The following TYK2 variants were observed in gnomAD, a reference collection of about 807,000 sequenced individuals.
TYK2 encodes the protein tyrosine kinase 2.
In TYK2, 65 loss-of-function variants were observed where a neutral mutation model predicts 130.9. The observed-to-expected ratio is 0.50, with a 90% CI of 0.41 to 0.61. The LOEUF (loss-of-function observed/expected upper bound fraction) is 0.61. Among genes scored for constraint, TYK2 ranks in the 20% least tolerant of loss-of-function variants. The pLI, the probability that TYK2 is intolerant of heterozygous loss-of-function variation, is 0.00. For missense variants in TYK2, 1,378 were observed against 1,610.7 expected (o/e 0.86, Z 2.47); for synonymous variants, 647 against 658.9 (o/e 0.98, Z 0.28).
chr19:10,362,432 G>A lies in TYK2; in HGVS notation c.1501C>T (p.Arg501Trp), dbSNP rs756944840. ...SQAPDGMQSL[R>W]LRKFPIEQQD... The stretch of plus-strand genomic sequence containing the variant: ...TGCTCAATGGGGAACTTTCGGAGCC[G>A]CAAGCTCTGCATGCCGTCTGGTGCC... Residue 501 changes from arginine (R) to tryptophan (W), a missense_variant, in exon 11 of 25, where the codon CGG (arginine) becomes TGG (tryptophan). Transcript: ENST00000525621. 2.4e-5 allele frequency: 38 copies of A among 1,605,570 alleles called. No homozygotes were observed. The highest frequency in any genetic ancestry group is 1.7e-4 in the Middle Eastern group (1 of 6,056).
At chr19:10,357,968 C>A (rs745863218) in intron 16 of TYK2, 35 bp downstream of exon 16, 4 of 1,613,422 alleles carry the variant, frequency 2.5e-6, no homozygotes, top group Non-Finnish European at 3.4e-6. Flanking sequence ...GCAGGGGAAG[C>A]CCCCCACTGT....
rs1394833743 is a variant in TYK2, at chr19:10,358,167, C to G, written c.2176-29G>C. 1.3e-5 allele frequency: 20 copies of G among 1,588,146 alleles called. No individual in the cohort carries two copies. The Admixed American group carries it at 2.7e-4, about 21-fold the overall frequency. Reference sequence around the variant, plus strand: ...AGGTGGGCAGGAGAGGGGGTGTGGCCACTCAGGAGAGGCACAGACGCCAAC... The same window carrying G: ...AGGTGGGCAGGAGAGGGGGTGTGGCGACTCAGGAGAGGCACAGACGCCAAC... On this transcript the variant is annotated intron_variant, in intron 15 of 24. Transcript: ENST00000525621.
chr19:10,352,622 C>T, intron 22 of TYK2, 71 bp from the exon 23 acceptor site: 1 of 831,866 alleles, frequency 1.2e-6, no homozygotes. Context: ...AGGCTGAAGC[C>T]CTCACCTGAG....
intron 3 of TYK2, among the ~76,000 whole-genome samples, chr19:10,375,790 G>C (rs1489643412): frequency 6.6e-6 from 1 of 151,122 alleles, no homozygotes; most frequent in Non-Finnish European, 1.5e-5. Flanking sequence ...AGCCGGGCAT[G>C]GTGGCACACA....
At chr19:10,372,147 T>C (rs375118046) in intron 3 of TYK2, among the ~76,000 whole-genome samples, 58 of 150,958 alleles carry the variant, frequency 3.8e-4, no homozygotes, top group East Asian at 5.9e-4. Context: ...CCCGCCACCA[T>C]GCCCAGCTAA....
intron 3 of TYK2, among the ~76,000 whole-genome samples, chr19:10,374,025 G>A (rs1442578565): frequency 6.6e-6 from 1 of 152,128 alleles, no homozygotes; most frequent in Non-Finnish European, 1.5e-5. Context: ...CCAGCACTTT[G>A]GGAGGCTGAG....
intron 3 of TYK2, 37 bp from the exon 4 acceptor site, chr19:10,368,455 A>C: frequency 6.2e-7 from 1 of 1,613,586 alleles, no homozygotes; most frequent in Non-Finnish European, 8.5e-7. Context: ...GAGTCACGTC[A>C]TTTGCTACCG....
intron 9 of TYK2, among the ~76,000 whole-genome samples, chr19:10,363,857 G>C (rs1047558562): frequency 6.6e-6 from 1 of 152,194 alleles, no homozygotes; most frequent in Admixed American, 6.6e-5. Flanking sequence ...ACGGCCACAG[G>C]CCTCACAAGG....
In TYK2 at chr19:10,350,819, G is replaced by A. The variant is rs762860883; in HGVS notation, c.*15C>T. On this transcript the variant is annotated 3_prime_UTR_variant, in exon 25 of 25. Transcript: ENST00000525621. ...TGCCTGGTCCAGTCCTCCCAGGCAG[G>A]GCTGCCATTGTGCCTCAGCACACGC... The A allele has an allele frequency of 1.2e-6, 2 of 1,612,440 alleles. No individual in the cohort carries two copies. Among genetic ancestry groups the A allele is most frequent in the Admixed American group, 3.3e-5 (2 of 59,994 alleles).
Position 10,365,640 on chromosome 19 carries a change from A to G in TYK2, c.888T>C (p.Ser296=), listed in dbSNP as rs1383359908. 6.2e-7 allele frequency: 1 copy of G among 1,613,684 alleles called. No homozygotes were observed. ...GGCCAGGGTCTGTAGGGGCCACCCC[A>G]CTGTCCCGGATGTAGCAGGGCTCCC... ...AEGEPCYIRD[S]GVAPTDPGPE... is the part of the protein sequence containing the mutation. The change falls in exon 7 of 25, where the codon AGT becomes AGC. Residue 296 remains serine (S), a synonymous_variant. Transcript: ENST00000525621.
At chr19:10,363,362 T>C (rs1462055999) in intron 9 of TYK2, among the ~76,000 whole-genome samples, 1 of 152,052 alleles carries the variant, frequency 6.6e-6, no homozygotes, top group African/African-American at 2.4e-5. Flanking sequence ...GTGTTTTCTG[T>C]AGTTAAAAGA....
chr19:10,368,530 A>G (rs768159487), intron 3 of TYK2, 112 bp from the exon 4 acceptor site: 19 of 1,506,432 alleles, frequency 1.3e-5, no homozygotes, highest in Non-Finnish European at 1.6e-5. Context: ...CCCCTCCCCC[A>G]CCTGCAGCTT....
Position 10,364,920 on chromosome 19 carries a change from G to C in TYK2, c.1140C>G (p.Phe380Leu). ...TCAGCACCACGTGGGTGATGTCCCG[G>C]AAGTCACAGAAGTAGGCCCACAGTG... Reference protein sequence around the residue: ...REPLWAYFCDFRDITHVVLKE... With the variant: ...REPLWAYFCDLRDITHVVLKE... Residue 380 changes from phenylalanine to leucine, a missense_variant, in exon 8 of 25, where the codon TTC becomes TTG. By Grantham distance (22) the Phe-to-Leu change is conservative. Transcript: ENST00000525621. This position sits in a 1 kb window ranked among gnomAD's most constrained non-coding sequence, Gnocchi z 4.9. The C allele has an allele frequency of 6.2e-7, 1 of 1,614,214 alleles. No homozygotes were observed. Among genetic ancestry groups the C allele is most frequent in the African/African-American group, 1.3e-5 (1 of 75,076 alleles).
Position 10,353,405 on chromosome 19 carries a change from A to T in TYK2, c.3027+123T>A. 1 of 722,958 alleles carries T rather than the reference A, an allele frequency of 1.4e-6. No homozygotes were observed. The highest frequency in any genetic ancestry group is 2.2e-6 in the Non-Finnish European group (1 of 459,882). The allele number at this position is 722,958 out of a possible 1,614,324, so 44.8% of individuals were successfully genotyped here. On this transcript the variant is annotated intron_variant, in intron 21 of 24. Transcript: ENST00000525621. This position sits in a 1 kb window ranked among gnomAD's most constrained non-coding sequence, Gnocchi z 6.9. Reference sequence around the variant, plus strand: ...AAACAGTTCGGAGGTCAGTGCAAGGACAAGACAGCCTGGGCAAACGAGCAG... The same window carrying T: ...AAACAGTTCGGAGGTCAGTGCAAGGTCAAGACAGCCTGGGCAAACGAGCAG...
At chr19:10,379,537 AAAT>A (rs1382517228) in intron 2 of TYK2, 75 bp downstream of exon 2, 1 of 151,116 alleles carries the variant, frequency 6.6e-6, no homozygotes, top group Non-Finnish European at 1.5e-5. Flanking sequence ...ATAAATAAAT[AAAT>A]AAAAAGTAAA....
chr19:10,365,476 C>G (rs1380186145), intron 7 of TYK2, 41 bp downstream of exon 7: 1 of 1,610,796 alleles, frequency 6.2e-7, no homozygotes, highest in Non-Finnish European at 8.5e-7. Context: ...CCCACCCCAG[C>G]CCAACCTGAA....
intron 14 of TYK2, among the ~76,000 whole-genome samples, chr19:10,360,441 G>A (rs1014675429): frequency 6.6e-6 from 1 of 152,274 alleles, no homozygotes; most frequent in Non-Finnish European, 1.5e-5. Flanking sequence ...AGGCTTCAGT[G>A]AGCCATGATG....
Position 10,350,967 on chromosome 19 carries a change from A to G in TYK2, c.3431T>C (p.Val1144Ala), listed in dbSNP as rs781570376. 1.2e-6 allele frequency: 2 copies of G among 1,614,028 alleles called. No homozygotes were observed. Among genetic ancestry groups the G allele is most frequent in the Non-Finnish European group, 1.7e-6 (2 of 1,180,036 alleles). Reference sequence around the variant, plus strand: ...CCAGCAGTTCTTCATGAGATGATAGACCTAGAAGGAAAAACCAGGGCTGGT... The same window carrying G: ...CCAGCAGTTCTTCATGAGATGATAGGCCTAGAAGGAAAAACCAGGGCTGGT... ...LPRPDKCPCEVYHLMKNCWET... is the reference protein window; with the variant it reads ...LPRPDKCPCEAYHLMKNCWET... Residue 1144 changes from valine to alanine, a missense_variant and splice_region_variant, in exon 25 of 25, where the codon GTC (valine) becomes GCC (alanine). Coordinates refer to ENST00000525621, the MANE Select transcript of TYK2 (RefSeq NM_003331.5).
rs764378445 is a variant in TYK2, at chr19:10,361,852, G to T, written c.1877C>A (p.Pro626His). The T allele has an allele frequency of 3.7e-6, 6 of 1,614,028 alleles. No homozygotes were observed. Among genetic ancestry groups the T allele is most frequent in the East Asian group, 2.2e-5 (1 of 44,884 alleles). The change falls in exon 13 of 25, where the codon CCC becomes CAC. Residue 626 changes from proline to histidine, a missense_variant. Physicochemically the swap from Pro to His is moderately conservative, Grantham distance 77. Transcript: ENST00000525621. The surrounding 1 kb of genome is among the most constrained non-coding windows in gnomAD (Gnocchi z 4.0). ...PEEGKMDDED[P>H]LVPGRDRGQE... is the part of the protein sequence containing the mutation. Reference sequence around the variant, plus strand: ...CCCACGGTCCCTGCCAGGCACGAGGGGGTCCTCGTCATCCATCTTGCCCTC... The same window carrying T: ...CCCACGGTCCCTGCCAGGCACGAGGTGGTCCTCGTCATCCATCTTGCCCTC...
Sources: allele counts gnomAD v4.1 joint callset (sites outside exome capture counted in the v4.1 genomes callset), GRCh38; gene constraint gnomAD v4.1.1; non-coding constraint Gnocchi (gnomAD v3.1); transcripts MANE v1.5; gene names NCBI Gene and HGNC (gene_info 2026-07-23, HGNC 2026-07-21).